Variants in ANKRD46 observed in about 807,000 individuals in gnomAD.
The protein encoded by ANKRD46 is ankyrin repeat domain 46.
In ANKRD46, 13 loss-of-function variants were observed where a neutral mutation model predicts 19.8. The ratio of observed to expected loss-of-function variants is 0.66; its 90% confidence interval spans 0.43 to 1.04. The LOEUF is 1.04. ANKRD46 is among the 50% of genes least tolerant of loss of function. The pLI, the probability that ANKRD46 is intolerant of heterozygous loss-of-function variation, is 0.00. For synonymous variants in ANKRD46, 91 were observed against 106.9 expected (o/e 0.85, Z 0.92); for missense variants, 185 against 274.8 (o/e 0.67, Z 2.31).
At position 100,536,651 on chromosome 8, in the gene ANKRD46, T is replaced by C. The variant is rs1424514620; in HGVS notation, c.-130-3340A>G. Among the ~76,000 whole-genome samples, 1 of 152,148 alleles carries C rather than the reference T, an allele frequency of 6.6e-6. No individual in the cohort carries two copies. The highest frequency in any genetic ancestry group is 1.5e-5 in the Non-Finnish European group (1 of 68,020). ...AAAGAAAAATAAAAGAACTGGTTCC[T>C]GGCAGAGGAAAAACCACATAGTCTA... On this transcript the variant is annotated intron_variant, in intron 1 of 4. Coordinates refer to ENST00000335659, the MANE Select transcript of ANKRD46 (RefSeq NM_001270377.2). This position sits in a 1 kb window ranked among gnomAD's most constrained non-coding sequence, Gnocchi z 4.9.
chr8:100,539,642 T>C (rs933272184), intron 1 of ANKRD46, among the ~76,000 whole-genome samples: 1 of 152,248 alleles, frequency 6.6e-6, no homozygotes, highest in African/African-American at 2.4e-5. Context: ...TGTCTAAAAT[T>C]CTTAACTTTT....
rs908834575 is a variant in ANKRD46 at position 100,529,984 on chromosome 8, C to T, written c.-27-124G>A. On this transcript the variant is annotated intron_variant, in intron 2 of 4. Coordinates refer to ENST00000335659, the MANE Select transcript of ANKRD46 (RefSeq NM_001270377.2). This position sits in a 1 kb window ranked among gnomAD's most constrained non-coding sequence, Gnocchi z 5.8. The stretch of plus-strand genomic sequence containing the variant: ...TGCCTCTAATAAATAAATGACCAAA[C>T]AGAAACAACAACAAAGTTATCAATT... 1.8e-5 allele frequency: 11 copies of T among 611,364 alleles called. No individual in the cohort carries two copies. The African/African-American group carries it at 2.0e-4, about 11-fold the overall frequency. The allele number at this position is 611,364 out of a possible 1,614,324, so 37.9% of individuals were successfully genotyped here. A position where few individuals can be genotyped will look rare whatever the true frequency, so the allele number is the denominator to read the frequency against.
chr8:100,514,116 G>C (rs910436191), intron 5 of ANKRD46, among the ~76,000 whole-genome samples: 5 of 152,076 alleles, frequency 3.3e-5, no homozygotes, highest in African/African-American at 1.2e-4. Flanking sequence ...TTTCCTATTT[G>C]CAATTTATGA....
chr8:100,558,614 C>T (rs1468819735), intron 1 of ANKRD46, among the ~76,000 whole-genome samples: 1 of 152,138 alleles, frequency 6.6e-6, no homozygotes, highest in Admixed American at 6.5e-5. Context: ...CTGCATATAA[C>T]CATGAAAACT....
chr8:100,535,304 T>G (rs1422219515), intron 1 of ANKRD46, among the ~76,000 whole-genome samples: 1 of 152,208 alleles, frequency 6.6e-6, no homozygotes, highest in African/African-American at 2.4e-5. Context: ...GTCCAATGGG[T>G]GAAGAGGACT....
In ANKRD46 at chr8:100,534,008, A is replaced by G. The variant is rs979904182; in HGVS notation, c.-130-697T>C. Among the ~76,000 whole-genome samples, 1 of 152,338 alleles carries G rather than the reference A, an allele frequency of 6.6e-6. No individual in the cohort carries two copies. Among genetic ancestry groups the G allele is most frequent in the Admixed American group, 6.5e-5 (1 of 15,308 alleles). On this transcript the variant is annotated intron_variant, in intron 1 of 4. Coordinates refer to ENST00000335659, the MANE Select transcript of ANKRD46 (RefSeq NM_001270377.2). This position sits in a 1 kb window ranked among gnomAD's most constrained non-coding sequence, Gnocchi z 4.2. ...AGCTCTTCTCTGGAAGGACCGTGGAAGCAGGGTCATGGGCAGGCAGTAAGG... is the reference window on the plus strand; with the variant it reads ...AGCTCTTCTCTGGAAGGACCGTGGAGGCAGGGTCATGGGCAGGCAGTAAGG...
chr8:100,558,102 G>A (rs1014495467), intron 1 of ANKRD46, among the ~76,000 whole-genome samples: 4 of 152,158 alleles, frequency 2.6e-5, no homozygotes, highest in Non-Finnish European at 5.9e-5. Context: ...TATGAATGCC[G>A]AATATGCAAA....
At chr8:100,517,458 T>C (rs1299105596), downstream of ANKRD46, among the ~76,000 whole-genome samples, 1 of 152,254 alleles carries the variant, frequency 6.6e-6, no homozygotes, top group African/African-American at 2.4e-5. Context: ...CTCTAAATAC[T>C]GTTATCAGCT....
intron 3 of ANKRD46, among the ~76,000 whole-genome samples, chr8:100,528,234 T>C (rs1811882619): frequency 6.6e-6 from 1 of 152,160 alleles, no homozygotes; most frequent in African/African-American, 2.4e-5. Context: ...TGTTGACTGA[T>C]GGGATTTTTG....
rs1812353841 is a variant in ANKRD46, at chr8:100,550,132, C to G, written c.-131+9579G>C. Among the ~76,000 whole-genome samples the G allele has an allele frequency of 6.6e-6, 1 of 152,206 alleles. No individual in the cohort carries two copies. Among genetic ancestry groups the G allele is most frequent in the African/African-American group, 2.4e-5 (1 of 41,442 alleles). ...TATGAATAAGGCTGACATGAACACC[C>G]ACATGCAGGTTTTTGTGTGGACAGT... On this transcript the variant is annotated intron_variant, in intron 1 of 4. Coordinates refer to ENST00000335659, the MANE Select transcript of ANKRD46 (RefSeq NM_001270377.2). The surrounding 1 kb of genome is among the most constrained non-coding windows in gnomAD (Gnocchi z 4.4).
chr8:100,549,119 T>G lies in ANKRD46; in HGVS notation c.-131+10592A>C, dbSNP rs1305388656. Among the ~76,000 whole-genome samples the G allele has an allele frequency of 1.4e-3, 8 of 5,678 alleles. No homozygotes were observed. In the African/African-American group the frequency reaches 0.02, roughly 14 times the overall value. The allele number at this position is 5,678 out of a possible 152,430, so 3.7% of individuals were successfully genotyped here. The stretch of plus-strand genomic sequence containing the variant: ...TATGGAATACTAGCATTAATGCTGT[T>G]TTTTTTTTTTTTAGTTCAGAATTTT... On this transcript the variant is annotated intron_variant, in intron 1 of 4. Transcript: ENST00000335659.
rs1354956831 is a variant in ANKRD46 at position 100,511,018 on chromosome 8, C to T, written c.637-379G>A. ...CTGTCTTTCAGCAAATAAATGCTTC[C>T]TAATGCAGCACAGGGCAGAGCTCTA... is the stretch of plus-strand genomic sequence containing the variant. On this transcript the variant is annotated intron_variant, in intron 5 of 5. Transcript: ENST00000520552. This position sits in a 1 kb window ranked among gnomAD's most constrained non-coding sequence, Gnocchi z 4.1. Among the ~76,000 whole-genome samples the T allele has an allele frequency of 6.6e-6, 1 of 152,186 alleles. No individual in the cohort carries two copies. The highest frequency in any genetic ancestry group is 2.4e-5 in the African/African-American group (1 of 41,432).
intron 5 of ANKRD46, among the ~76,000 whole-genome samples, chr8:100,515,177 T>C (rs1408349060): frequency 2.0e-5 from 3 of 152,212 alleles, no homozygotes; most frequent in Admixed American, 6.5e-5. Flanking sequence ...CCTGCAACCA[T>C]TGATCTCCTC....
chr8:100,530,436 T>C (rs567419244), intron 2 of ANKRD46, among the ~76,000 whole-genome samples: 72 of 151,720 alleles, frequency 4.7e-4, no homozygotes, highest in African/African-American at 1.7e-3. Flanking sequence ...CAGGCTGGAG[T>C]GCAGTGGCGC....
chr8:100,541,177 A>C (rs1279913174), intron 1 of ANKRD46, among the ~76,000 whole-genome samples: 1 of 151,856 alleles, frequency 6.6e-6, no homozygotes, highest in Admixed American at 6.6e-5. Flanking sequence ...AATTAATAGC[A>C]AAAATATGAT....
downstream of ANKRD46, among the ~76,000 whole-genome samples, chr8:100,518,501 C>A (rs1046980450): frequency 2.6e-5 from 4 of 151,986 alleles, no homozygotes; most frequent in South Asian, 4.2e-4. Context: ...AAAATGAAGT[C>A]GAATCTTCCC....
chr8:100,538,931 T>G (rs575199696), intron 1 of ANKRD46, among the ~76,000 whole-genome samples: 1 of 152,222 alleles, frequency 6.6e-6, no homozygotes, highest in Non-Finnish European at 1.5e-5. Context: ...CTGAATTCCT[T>G]AGCACATTAA....
chr8:100,528,103 A>C, intron 3 of ANKRD46, 100 bp from the exon 4 acceptor site: 3 of 1,267,708 alleles, frequency 2.4e-6, no homozygotes, highest in Non-Finnish European at 3.1e-6. Context: ...ACTTATATAG[A>C]TCTCAGTGAA....
chr8:100,552,261 C>A (rs1345871699), intron 1 of ANKRD46, among the ~76,000 whole-genome samples: 1 of 151,642 alleles, frequency 6.6e-6, no homozygotes, highest in Non-Finnish European at 1.5e-5. Flanking sequence ...CGTCTGAGAT[C>A]AGATATTGGA....
Sources: allele counts gnomAD v4.1 joint callset (sites outside exome capture counted in the v4.1 genomes callset), GRCh38; gene constraint gnomAD v4.1.1; non-coding constraint Gnocchi (gnomAD v3.1); transcripts MANE v1.5; gene names NCBI Gene and HGNC (gene_info 2026-07-23, HGNC 2026-07-21).